CYP27C1: variants seen among roughly 807,000 people sequenced by gnomAD.
The protein encoded by CYP27C1 is cytochrome P450 27C1.
Under a neutral mutation model 40.6 loss-of-function variants are expected in CYP27C1, and 29 were observed. The ratio of observed to expected loss-of-function variants is 0.71; its 90% CI spans 0.53 to 0.97. CYP27C1 has a LOEUF of 0.97. Ranked by LOEUF, CYP27C1 falls within the 50% of genes least tolerant of loss-of-function variation. The pLI, the probability that CYP27C1 is intolerant of heterozygous loss-of-function variation, is 0.00. For synonymous variants in CYP27C1, 198 were observed against 186.8 expected, an observed-to-expected ratio of 1.06 and a Z score of -0.49; for missense variants, 390 against 485.8, an observed-to-expected ratio of 0.80 and a Z score of 1.85.
rs530710878 is a variant in CYP27C1, at chr2:127,208,724, C to T, written c.283-2634G>A. Among the ~76,000 whole-genome samples the T allele has an allele frequency of 5.3e-5, 8 of 152,324 alleles. No individual in the cohort carries two copies. The highest frequency in any genetic ancestry group is 1.9e-4 in the African/African-American group (8 of 41,584). On this transcript the variant is annotated intron_variant, in intron 1 of 8. Transcript: ENST00000664447. The surrounding 1 kb of genome is among the most constrained non-coding windows in gnomAD (Gnocchi z 5.2). ...GAGTTATCCCCACAGCTCAACACACCAGCTGTGGCAGTTGGCAGCCAGAGT... is the reference window on the plus strand; with the variant it reads ...GAGTTATCCCCACAGCTCAACACACTAGCTGTGGCAGTTGGCAGCCAGAGT...
Position 127,196,126 on chromosome 2 carries a change from G to A in CYP27C1, c.1048-625C>T, listed in dbSNP as rs955238504. Among the ~76,000 whole-genome samples, 2 of 151,374 alleles carry A rather than the reference G, an allele frequency of 1.3e-5. No homozygotes were observed. Among genetic ancestry groups the A allele is most frequent in the Admixed American group, 6.6e-5 (1 of 15,204 alleles). On this transcript the variant is annotated intron_variant, in intron 5 of 8. Transcript: ENST00000664447. The surrounding 1 kb of genome is among the most constrained non-coding windows in gnomAD (Gnocchi z 4.5). ...CGCCCAGGCTGGAATGCAGTGACGC[G>A]ATCTCGGCTCACTGCAAGCTCTGCC...
rs371624957 is a variant in CYP27C1, at chr2:127,194,663, A to G, written c.1214+672T>C. ...CTCAAGAACCATGAGGTTTGTATCC[A>G]GGTCTGCAAATCAGCTGAACAGGTC... On this transcript the variant is annotated intron_variant, in intron 6 of 8. Transcript: ENST00000664447. Among the ~76,000 whole-genome samples the G allele has an allele frequency of 4.7e-4, 71 of 152,266 alleles. 1 individual carries two copies. The highest frequency in any genetic ancestry group is 1.7e-3 in the African/African-American group (69 of 41,544).
intron 6 of CYP27C1, among the ~76,000 whole-genome samples, 167 bp from the exon 7 acceptor site, chr2:127,194,034 T>C (rs189468064): frequency 3.9e-5 from 6 of 152,372 alleles, no homozygotes; most frequent in Non-Finnish European, 2.9e-5. Flanking sequence ...TGCTTCTTTG[T>C]TGGCTTGCTT....
chr2:127,188,199 CA>C (rs1367996135), intron 8 of CYP27C1, among the ~76,000 whole-genome samples: 1 of 152,162 alleles, frequency 6.6e-6, no homozygotes, highest in Non-Finnish European at 1.5e-5. Flanking sequence ...ACTTAGCGCC[CA>C]GGCTGTCCCC....
chr2:127,196,326 G>T lies in CYP27C1; in HGVS notation c.1048-825C>A, dbSNP rs1381367315. On this transcript the variant is annotated intron_variant, in intron 5 of 8. Coordinates refer to ENST00000664447, the MANE Select transcript of CYP27C1 (RefSeq NM_001367502.1). The surrounding 1 kb of genome is among the most constrained non-coding windows in gnomAD (Gnocchi z 4.5). ...CTGCCCACCTCGGGTCTCCCAAAGT[G>T]CTGGGATTACAGGCGTGAGCCACCA... is the stretch of plus-strand genomic sequence containing the variant. Among the ~76,000 whole-genome samples, 1 of 152,130 alleles carries T rather than the reference G, an allele frequency of 6.6e-6. No individual in the cohort carries two copies. The highest frequency in any genetic ancestry group is 1.5e-5 in the Non-Finnish European group (1 of 68,028).
In CYP27C1 at chr2:127,218,867, C is replaced by T. The variant is rs1001274299; in HGVS notation, c.282+1122G>A. On this transcript the variant is annotated intron_variant, in intron 1 of 8. Coordinates refer to ENST00000664447, the MANE Select transcript of CYP27C1 (RefSeq NM_001367502.1). The surrounding 1 kb of genome is among the most constrained non-coding windows in gnomAD (Gnocchi z 6.0). ...GACGATGGGCGAAGGCATCGGAGGG[C>T]GCCGCCGCGGCTCGGGTGCAGTGCC... 5.9e-5 allele frequency among the ~76,000 whole-genome samples: 9 copies of T among 152,172 alleles called. No homozygotes were observed. The highest frequency in any genetic ancestry group is 8.8e-5 in the Non-Finnish European group (6 of 68,028).
Position 127,201,149 on chromosome 2 carries a change from T to G in CYP27C1, c.856A>C (p.Arg286=). 1 of 1,613,828 alleles carries G rather than the reference T, an allele frequency of 6.2e-7. No homozygotes were observed. ...FIPKPWREFC[R]SWDGLFKFSQ... ...AATTTGAAGAGTCCATCCCAGGACCTGCAGAATTCCCGCCAGGGCTTTGGG... is the reference window on the plus strand; with the variant it reads ...AATTTGAAGAGTCCATCCCAGGACCGGCAGAATTCCCGCCAGGGCTTTGGG... The change falls in exon 4 of 9, where the codon AGG becomes CGG. Residue 286 remains arginine (R), a synonymous_variant. Coordinates refer to ENST00000664447, the MANE Select transcript of CYP27C1 (RefSeq NM_001367502.1). The surrounding 1 kb of genome is among the most constrained non-coding windows in gnomAD (Gnocchi z 6.0).
At position 127,193,250 on chromosome 2, in the gene CYP27C1, G is replaced by A. The variant is rs150306913; in HGVS notation, c.1341C>T (p.Asn447=). The change falls in exon 8 of 9, where the codon AAC becomes AAT. Residue 447 remains asparagine (N), a synonymous_variant. Coordinates refer to ENST00000664447, the MANE Select transcript of CYP27C1 (RefSeq NM_001367502.1). ...GCCGGAACTCCTTGGCCCGAGGGAAGTTCTCATCCTGGTACGATGTGGCAT... is the reference window on the plus strand; with the variant it reads ...GCCGGAACTCCTTGGCCCGAGGGAAATTCTCATCCTGGTACGATGTGGCAT... The part of the protein sequence containing the change: ...CHYATSYQDE[N]FPRAKEFRPE... 1 of 1,614,110 alleles carries A rather than the reference G, an allele frequency of 6.2e-7. No individual in the cohort carries two copies. The highest frequency in any genetic ancestry group is 1.3e-5 in the African/African-American group (1 of 74,932).
intron 6 of CYP27C1, among the ~76,000 whole-genome samples, chr2:127,194,557 C>A (rs971994296): frequency 2.0e-5 from 3 of 152,160 alleles, no homozygotes; most frequent in African/African-American, 7.2e-5. Context: ...ATCCCTCCGG[C>A]TTTTCTGTTT....
Position 127,211,369 on chromosome 2 carries a change from G to GTTTT in CYP27C1, c.283-5283_283-5280dup, listed in dbSNP as rs371826841. ...GATACAGCTAAAGCAGTGTTTTTTTGTTTTTTTTTTTTTTTTTTTTTTTTT... is the reference window on the plus strand; with the variant it reads ...GATACAGCTAAAGCAGTGTTTTTTTGTTTTTTTTTTTTTTTTTTTTTTTTTTTTT... On this transcript the variant is annotated intron_variant, in intron 1 of 8. Coordinates refer to ENST00000664447, the MANE Select transcript of CYP27C1 (RefSeq NM_001367502.1). Among the ~76,000 whole-genome samples, 69 of 94,964 alleles carry GTTTT rather than the reference G, an allele frequency of 7.3e-4. 2 individuals carry two copies. The highest frequency in any genetic ancestry group is 8.6e-4 in the African/African-American group (20 of 23,298). 62.3% of individuals were successfully genotyped at this position (94,964 alleles called of 152,430 possible).
At chr2:127,193,400 C>T in intron 7 of CYP27C1, 103 bp from the exon 8 acceptor site, 1 of 1,397,372 alleles carries the variant, frequency 7.2e-7, no homozygotes. Context: ...GGTGCTCCCG[C>T]CTGGGGGCCG....
At chr2:127,204,472 GAAAGAAAGA>G (rs1683138500) in intron 2 of CYP27C1, among the ~76,000 whole-genome samples, 9 of 68,784 alleles carry the variant, frequency 1.3e-4, no homozygotes, top group East Asian at 1.1e-3. Context: ...AAGAAAGAAA[GAAAGAAAGA>G]AAGAAAGGAA....
intron 1 of CYP27C1, among the ~76,000 whole-genome samples, chr2:127,215,091 C>T (rs1683405991): frequency 1.4e-5 from 2 of 147,592 alleles, no homozygotes; most frequent in Admixed American, 6.9e-5. Flanking sequence ...ATCGCACCAC[C>T]GCACTCATGC....
chr2:127,216,237 C>A (rs1417155428), intron 1 of CYP27C1, among the ~76,000 whole-genome samples: 2 of 152,140 alleles, frequency 1.3e-5, no homozygotes, highest in African/African-American at 2.4e-5. Flanking sequence ...AAACCTTACA[C>A]ACAAAAATTC....
At chr2:127,192,629 G>A (rs929575219) in intron 8 of CYP27C1, among the ~76,000 whole-genome samples, 13 of 141,578 alleles carry the variant, frequency 9.2e-5, no homozygotes, top group Admixed American at 3.0e-4. Context: ...CGGGGGGGGG[G>A]GCTGCTGCTG....
intron 5 of CYP27C1, among the ~76,000 whole-genome samples, chr2:127,198,956 C>T (rs150576072): frequency 1.6e-3 from 243 of 152,328 alleles, no homozygotes; most frequent in African/African-American, 5.5e-3. Flanking sequence ...AGGCCTAGTA[C>T]AAACATGAAC....
chr2:127,207,669 C>G (rs1408800489), intron 1 of CYP27C1, among the ~76,000 whole-genome samples: 1 of 126,230 alleles, frequency 7.9e-6, no homozygotes, highest in Non-Finnish European at 1.7e-5. Flanking sequence ...GACTCTGTCA[C>G]AAAAAAAAAA....
rs952851926 is a variant in CYP27C1, at chr2:127,218,956, A to G, written c.282+1033T>C. Among the ~76,000 whole-genome samples the G allele has an allele frequency of 6.6e-6, 1 of 152,118 alleles. No homozygotes were observed. The highest frequency in any genetic ancestry group is 2.4e-5 in the African/African-American group (1 of 41,430). On this transcript the variant is annotated intron_variant, in intron 1 of 8. Coordinates refer to ENST00000664447, the MANE Select transcript of CYP27C1 (RefSeq NM_001367502.1). The surrounding 1 kb of genome is among the most constrained non-coding windows in gnomAD (Gnocchi z 6.0). ...GACAGCACTCAGGCTCCAAGTGGGA[A>G]GCGTGCGGAATTCGCCGGCCCCAAC...
In CYP27C1 at chr2:127,187,399, AAGAG is replaced by A. The variant is rs752219650; in HGVS notation, c.1498-16_1498-13del. The A allele has an allele frequency of 2.8e-5, 45 of 1,607,058 alleles. No individual in the cohort carries two copies. In the Middle Eastern group the frequency reaches 4.9e-4, roughly 18 times the overall value. Reference sequence around the variant, plus strand: ...AAATGTTGAAGCAACTAAGAAGAGAAAGAGAGAGAAGGGGTCAGAATTGGAACAG... The same window carrying A: ...AAATGTTGAAGCAACTAAGAAGAGAAAGAGAAGGGGTCAGAATTGGAACAG... On this transcript the variant is annotated splice_polypyrimidine_tract_variant and intron_variant, in intron 8 of 8. Transcript: ENST00000664447.
Sources: allele counts gnomAD v4.1 joint callset (sites outside exome capture counted in the v4.1 genomes callset), GRCh38; gene constraint gnomAD v4.1.1; non-coding constraint Gnocchi (gnomAD v3.1); transcripts MANE v1.5; gene names NCBI Gene and HGNC (gene_info 2026-07-23, HGNC 2026-07-21).